Variants in QRICH2 observed in about 807,000 individuals in gnomAD.
The protein encoded by QRICH2 is glutamine rich 2, also known as glutamine-rich protein 2.
A neutral mutation model predicts 168.3 loss-of-function variants in QRICH2; 119 were observed. That is an observed-to-expected ratio of 0.71 (90% CI 0.61 to 0.82). The LOEUF is 0.82. Among genes scored for constraint, QRICH2 ranks in the 40% least tolerant of loss-of-function variants. QRICH2 has a pLI of 0.00. For synonymous variants in QRICH2, 894 were observed against 951.2 expected, an observed-to-expected ratio of 0.94 and a Z score of 1.11; for missense variants, 2,241 against 2,491.6, an observed-to-expected ratio of 0.90 and a Z score of 2.14.
Position 76,280,910 on chromosome 17 carries a change from A to C in QRICH2, c.4307T>G (p.Val1436Gly), listed in dbSNP as rs1051678844. Residue 1436 changes from valine to glycine, a missense_variant, in exon 9 of 19, where the codon GTG becomes GGG. By Grantham distance (109) the Val-to-Gly change is moderately radical. This residue lies in a region of QRICH2 where 2,047 missense variants were observed against 2,303.8 expected (regional missense o/e 0.89). Coordinates refer to ENST00000680821, the MANE Select transcript of QRICH2 (RefSeq NM_001388453.1). The surrounding 1 kb of genome is among the most constrained non-coding windows in gnomAD (Gnocchi z 7.4). ...GTTGAGCTTCTCGCAGTCACCCTGC[A>C]CCTGCAGGATGGCACTCTGCACACG... ...LGRVQSAILQ[V>G]QGDCEKLNIT... is the part of the protein sequence containing the mutation. 35 of 1,612,692 alleles carry C rather than the reference A, an allele frequency of 2.2e-5. No homozygotes were observed. Among genetic ancestry groups the C allele is most frequent in the Non-Finnish European group, 2.8e-5 (33 of 1,179,988 alleles).
chr17:76,307,386 G>C lies in QRICH2; in HGVS notation c.534+79C>G, dbSNP rs1450514535. Reference sequence around the variant, plus strand: ...CCCCACCACCGCTCACCCCTCCAGGGTGGTGGGGACTCGGCTAGGCCTGGA... The same window carrying C: ...CCCCACCACCGCTCACCCCTCCAGGCTGGTGGGGACTCGGCTAGGCCTGGA... On this transcript the variant is annotated intron_variant, in intron 1 of 18. Coordinates refer to ENST00000680821, the MANE Select transcript of QRICH2 (RefSeq NM_001388453.1). This position sits in a 1 kb window ranked among gnomAD's most constrained non-coding sequence, Gnocchi z 5.3. 63 of 1,483,840 alleles carry C rather than the reference G, an allele frequency of 4.2e-5. No homozygotes were observed. Among genetic ancestry groups the C allele is most frequent in the Middle Eastern group, 1.7e-4 (1 of 5,730 alleles). The allele number at this position is 1,483,840 out of a possible 1,614,324, so 91.9% of individuals were successfully genotyped here. A position where few individuals can be genotyped will look rare whatever the true frequency, so the allele number is the denominator to read the frequency against.
At position 76,287,043 on chromosome 17, in the gene QRICH2, A is replaced by AACACACACACAC. The variant is rs56258903; in HGVS notation, c.4011+137_4011+148dup. On this transcript the variant is annotated intron_variant, in intron 7 of 18. Coordinates refer to ENST00000680821, the MANE Select transcript of QRICH2 (RefSeq NM_001388453.1). ...CCCACCCCCTGCCCACACACCACAT[A>AACACACACACAC]ACACACACACACACACACACACACA... 8.6e-3 allele frequency: 1,738 copies of AACACACACACAC among 202,678 alleles called. 14 individuals carry two copies. The highest frequency in any genetic ancestry group is 0.016 in the African/African-American group (354 of 22,672). The allele number at this position is 202,678 out of a possible 1,614,324, so 12.6% of individuals were successfully genotyped here. A position where few individuals can be genotyped will look rare whatever the true frequency, so the allele number is the denominator to read the frequency against.
chr17:76,278,027 C>T lies in QRICH2; in HGVS notation c.5079G>A (p.Leu1693=), dbSNP rs373025553. The T allele has an allele frequency of 9.3e-5, 150 of 1,613,366 alleles. No homozygotes were observed. The highest frequency in any genetic ancestry group is 1.8e-4 in the East Asian group (8 of 44,906). ...TKASSQIIRE[L]LHAQCLGSPC... is the part of the protein sequence containing the mutation. ...GGGAGCCCAGGCACTGGGCGTGCAG[C>T]AGCTCGCGGATTATCTGGCTGCTGG... The change falls in exon 15 of 19, where the codon CTG becomes CTA. Residue 1693 remains leucine, a synonymous_variant. Transcript: ENST00000680821.
At chr17:76,298,565 C>A (rs1309531522) in intron 3 of QRICH2, among the ~76,000 whole-genome samples, 2 of 152,200 alleles carry the variant, frequency 1.3e-5, no homozygotes, top group Non-Finnish European at 2.9e-5. Context: ...AAGCACTTCT[C>A]CCGCCTTGAC....
At chr17:76,276,232 G>T (rs1293004428) in intron 17 of QRICH2, among the ~76,000 whole-genome samples, 1 of 152,040 alleles carries the variant, frequency 6.6e-6, no homozygotes, top group African/African-American at 2.4e-5. Flanking sequence ...AGGAAGGGAG[G>T]CATCTAGAAA....
chr17:76,280,028 C>G lies in QRICH2; in HGVS notation c.4748+5G>C, dbSNP rs1407336720. ...CAGCCTCCTCCCCTGCCTCCCAGGC[C>G]TCACCTCCGCATGGCAGCCGCCTCG... On this transcript the variant is annotated splice_donor_5th_base_variant and intron_variant, in intron 12 of 18. Coordinates refer to ENST00000680821, the MANE Select transcript of QRICH2 (RefSeq NM_001388453.1). This position sits in a 1 kb window ranked among gnomAD's most constrained non-coding sequence, Gnocchi z 7.4. 1 of 1,605,374 alleles carries G rather than the reference C, an allele frequency of 6.2e-7. No individual in the cohort carries two copies. The highest frequency in any genetic ancestry group is 8.5e-7 in the Non-Finnish European group (1 of 1,175,658).
At chr17:76,283,543 C>A (rs1304574703) in intron 7 of QRICH2, among the ~76,000 whole-genome samples, 1 of 152,188 alleles carries the variant, frequency 6.6e-6, no homozygotes, top group Non-Finnish European at 1.5e-5. Flanking sequence ...TGGGGCACAC[C>A]ACAGTTCCAG....
chr17:76,296,881 A>G (rs1190720157), intron 3 of QRICH2, among the ~76,000 whole-genome samples: 1 of 152,096 alleles, frequency 6.6e-6, no homozygotes, highest in African/African-American at 2.4e-5. Context: ...ATGAGCACGC[A>G]TTTGATGAGT....
chr17:76,295,599 C>T (rs180822311), intron 3 of QRICH2, among the ~76,000 whole-genome samples: 53 of 152,224 alleles, frequency 3.5e-4, no homozygotes, highest in Admixed American at 3.1e-3. Flanking sequence ...GCCGAGATCA[C>T]GCCACTGCAC....
chr17:76,277,456 A>G, intron 15 of QRICH2, 146 bp from the exon 16 acceptor site: 1 of 971,876 alleles, frequency 1.0e-6, no homozygotes, highest in Non-Finnish European at 1.5e-6. Flanking sequence ...GGCCCAGAAC[A>G]GGCGGGCGGG....
At chr17:76,310,323 C>T (rs555484522), upstream of QRICH2, 15 of 148,188 alleles carry the variant, frequency 1.0e-4, 1 homozygote, top group East Asian at 3.0e-3. Flanking sequence ...ATGCTTTTAA[C>T]TTAGCTAGGC....
In QRICH2 at chr17:76,308,050, C is replaced by G; in HGVS notation, c.-52G>C. On this transcript the variant is annotated 5_prime_UTR_variant, in exon 1 of 19. Transcript: ENST00000680821. ...CGCGGGGCGCCGGCCAACCACTTCC[C>G]GCTCACTGCACGCCGCGCCTTGGGG... 1.6e-6 allele frequency: 2 copies of G among 1,231,054 alleles called. No homozygotes were observed. The highest frequency in any genetic ancestry group is 2.0e-6 in the Non-Finnish European group (2 of 987,402). 76.3% of individuals were successfully genotyped at this position (1,231,054 alleles called of 1,614,324 possible).
Position 76,293,763 on chromosome 17 carries a change from C to G in QRICH2, c.964G>C (p.Ala322Pro). 6.2e-7 allele frequency: 1 copy of G among 1,614,098 alleles called. No homozygotes were observed. Among genetic ancestry groups the G allele is most frequent in the Admixed American group, 1.7e-5 (1 of 60,008 alleles). Residue 322 changes from alanine to proline, a missense_variant, in exon 4 of 19, where the codon GCT (alanine) becomes CCT (proline). Coordinates refer to ENST00000680821, the MANE Select transcript of QRICH2 (RefSeq NM_001388453.1). ...RQQQPRARDE[A>P]GVPRLHQSST... is the part of the protein sequence containing the mutation. ...GACTGATGGAGTCGTGGCACGCCAG[C>G]TTCATCACGGGCCCTCGGCTGCTGC... is the stretch of plus-strand genomic sequence containing the variant.
In QRICH2 at chr17:76,303,180, G is replaced by A. The variant is rs1357144699; in HGVS notation, c.705+1235C>T. Among the ~76,000 whole-genome samples, 7 of 152,162 alleles carry A rather than the reference G, an allele frequency of 4.6e-5. No homozygotes were observed. In the East Asian group the frequency reaches 1.4e-3, roughly 29 times the overall value. ...ATTACAGGCTGGAGCCACCGCGCCC[G>A]GCCCCTCTTGCAACATCTTTCTGAT... is the stretch of plus-strand genomic sequence containing the variant. On this transcript the variant is annotated intron_variant, in intron 3 of 18. Transcript: ENST00000680821.
Position 76,278,101 on chromosome 17 carries a change from G to A in QRICH2, c.5005C>T (p.Leu1669=). 1 of 1,613,760 alleles carries A rather than the reference G, an allele frequency of 6.2e-7. No homozygotes were observed. Among genetic ancestry groups the A allele is most frequent in the Non-Finnish European group, 8.5e-7 (1 of 1,180,038 alleles). Residue 1669 remains leucine (L), a synonymous_variant, in exon 15 of 19, where the codon CTG becomes TTG. Transcript: ENST00000680821. Reference sequence around the variant, plus strand: ...ATCTGCACCTTCTCAATGTTCATCAGCATCTTGGAGTGCATGGAGCGCAGG... The same window carrying A: ...ATCTGCACCTTCTCAATGTTCATCAACATCTTGGAGTGCATGGAGCGCAGG... ...GRLRSMHSKM[L]MNIEKVQIHF...
chr17:76,300,979 G>A (rs575987174), intron 3 of QRICH2, among the ~76,000 whole-genome samples: 7 of 152,020 alleles, frequency 4.6e-5, no homozygotes, highest in Admixed American at 1.3e-4. Context: ...ACTTGAGCTC[G>A]GGAGGTGGAG....
intron 3 of QRICH2, among the ~76,000 whole-genome samples, chr17:76,299,461 G>A (rs1234169467): frequency 6.6e-6 from 1 of 152,146 alleles, no homozygotes; most frequent in East Asian, 1.9e-4. Flanking sequence ...GAGGGGCCGG[G>A]CGCGGTGGCT....
upstream of QRICH2, among the ~76,000 whole-genome samples, chr17:76,308,822 T>C (rs2071030037): frequency 6.6e-6 from 1 of 151,976 alleles, no homozygotes; most frequent in African/African-American, 2.4e-5. Flanking sequence ...CTCGGCTCAC[T>C]GCAACCTCTG....
Position 76,292,173 on chromosome 17 carries a change from C to G in QRICH2, c.2554G>C (p.Val852Leu). 1 of 1,495,604 alleles carries G rather than the reference C, an allele frequency of 6.7e-7. No homozygotes were observed. 92.6% of individuals were successfully genotyped at this position (1,495,604 alleles called of 1,614,324 possible). A position where few individuals can be genotyped will look rare whatever the true frequency, so the allele number is the denominator to read the frequency against. The change falls in exon 4 of 19, where the codon GTC (valine) becomes CTC (leucine). Residue 852 changes from valine to leucine, a missense_variant. By Grantham distance (32) the Val-to-Leu change is conservative. This residue lies in a region of QRICH2 where 2,047 missense variants were observed against 2,303.8 expected (regional missense o/e 0.89). Transcript: ENST00000680821. ...VQPGAVQHGL[V>L]QPGADQRGLV... is the part of the protein sequence containing the mutation. ...CCACGCTGATCTGCACCAGGTTGGA[C>G]CAAACCATGCTGAACTGCACCAGGT...
Sources: gnomAD v4.1 joint callset for allele counts (sites outside exome capture counted in the v4.1 genomes callset) on GRCh38, gnomAD v4.1.1 for gene constraint, gnomAD v4.1.1 regional missense constraint, Gnocchi (gnomAD v3.1) non-coding constraint, MANE v1.5 for transcripts, NCBI Gene and HGNC (gene_info 2026-07-23, HGNC 2026-07-21) for gene names.